The following ERC2 variants were observed in gnomAD, a reference collection of about 807,000 sequenced individuals.
ERC2 encodes the protein ELKS/RAB6-interacting/CAST family member 2.
Under a neutral mutation model 114.8 loss-of-function variants are expected in ERC2, and 42 were observed. The observed-to-expected ratio is 0.37, with a 90% CI of 0.29 to 0.47. ERC2 has a LOEUF of 0.47. Ranked by LOEUF, ERC2 falls within the 20% of genes least tolerant of loss-of-function variation. The pLI, the probability that ERC2 is intolerant of heterozygous loss-of-function variation, is 0.99. For missense variants in ERC2, 939 were observed against 1,150.7 expected, an observed-to-expected ratio of 0.82 and a Z score of 2.66; for synonymous variants, 454 against 425.5, an observed-to-expected ratio of 1.07 and a Z score of -0.82.
At chr3:55,592,506 G>A (rs1215215978) in intron 17 of ERC2, among the ~76,000 whole-genome samples, 2 of 152,188 alleles carry the variant, frequency 1.3e-5, no homozygotes, top group Non-Finnish European at 2.9e-5. Flanking sequence ...CCTCATTCAG[G>A]AGGGGATGGA....
At chr3:56,084,875 A>AG (rs1276709258) in intron 6 of ERC2, among the ~76,000 whole-genome samples, 1 of 151,728 alleles carries the variant, frequency 6.6e-6, no homozygotes. Flanking sequence ...ATTAAAAAAA[A>AG]AAAAAAAGAA....
chr3:56,317,013 G>T (rs138788728), intron 2 of ERC2, among the ~76,000 whole-genome samples: 126 of 152,314 alleles, frequency 8.3e-4, no homozygotes, highest in Middle Eastern at 3.4e-3. Context: ...CTAAGGCATG[G>T]GGATTCAACA....
intron 15 of ERC2, among the ~76,000 whole-genome samples, chr3:55,707,238 A>G (rs2063540072): frequency 6.6e-6 from 1 of 152,158 alleles, no homozygotes; most frequent in African/African-American, 2.4e-5. Flanking sequence ...GTTAGAAACC[A>G]GCTTGGGCAA....
chr3:56,221,008 A>G (rs1023513782), intron 3 of ERC2, among the ~76,000 whole-genome samples: 2 of 152,192 alleles, frequency 1.3e-5, no homozygotes, highest in Non-Finnish European at 2.9e-5. Flanking sequence ...CCCTTAGTAT[A>G]TGTGCACATA....
rs563842880 is a variant in ERC2 at position 55,863,157 on chromosome 3, A to G, written c.2564+25232T>C. Among the ~76,000 whole-genome samples the G allele has an allele frequency of 6.6e-5, 10 of 152,044 alleles. No homozygotes were observed. The East Asian group carries it at 1.9e-3, about 29-fold the overall frequency. On this transcript the variant is annotated intron_variant, in intron 14 of 17. Coordinates refer to ENST00000288221, the MANE Select transcript of ERC2 (RefSeq NM_015576.3). ...TCAAACTGTCAGCGCCAGGAGACTG[A>G]CATTTTTCTCCTTGCTAATCCTGCA...
intron 2 of ERC2, among the ~76,000 whole-genome samples, chr3:56,387,916 A>G (rs1483958223): frequency 1.3e-5 from 2 of 152,196 alleles, no homozygotes; most frequent in Non-Finnish European, 2.9e-5. Context: ...AGGGAAAGTT[A>G]AAATTAACAG....
intron 17 of ERC2, among the ~76,000 whole-genome samples, chr3:55,648,626 T>TAA: frequency 6.6e-6 from 1 of 152,146 alleles, no homozygotes; most frequent in Admixed American, 6.5e-5. Flanking sequence ...GATAAAAAGT[T>TAA]AAAAAAGTAA....
intron 17 of ERC2, among the ~76,000 whole-genome samples, chr3:55,621,779 G>A (rs2059339762): frequency 1.3e-5 from 2 of 152,130 alleles, no homozygotes; most frequent in Non-Finnish European, 1.5e-5. Flanking sequence ...GCCAATTGGG[G>A]GAGAAAAGTA....
intron 15 of ERC2, among the ~76,000 whole-genome samples, chr3:55,710,005 A>G (rs949877817): frequency 6.6e-6 from 1 of 152,218 alleles, no homozygotes; most frequent in Admixed American, 6.5e-5. Flanking sequence ...ACAAATGGGA[A>G]GAGAAAAATG....
chr3:56,298,861 A>G (rs981623403), intron 2 of ERC2, among the ~76,000 whole-genome samples: 1 of 152,186 alleles, frequency 6.6e-6, no homozygotes, highest in Non-Finnish European at 1.5e-5. Flanking sequence ...TACATAAATT[A>G]TATATCAACA....
chr3:56,225,039 C>T (rs926691007), intron 3 of ERC2, among the ~76,000 whole-genome samples: 4 of 152,068 alleles, frequency 2.6e-5, no homozygotes, highest in East Asian at 3.9e-4. Flanking sequence ...CATGTGTCCT[C>T]GGGCAAGTCC....
chr3:55,691,105 A>G (rs2062616502), intron 16 of ERC2, among the ~76,000 whole-genome samples: 1 of 152,136 alleles, frequency 6.6e-6, no homozygotes, highest in South Asian at 2.1e-4. Flanking sequence ...AAACAAGCAA[A>G]CAAATAAACT....
rs1324752720 is a variant in ERC2 at position 55,952,176 on chromosome 3, C to CTAT, written c.2268-1617_2268-1616insATA. 6.3e-3 allele frequency among the ~76,000 whole-genome samples: 284 copies of CTAT among 44,874 alleles called. 13 individuals carry two copies. Among genetic ancestry groups the CTAT allele is most frequent in the South Asian group, 0.028 (38 of 1,348 alleles). The allele number at this position is 44,874 out of a possible 152,430, so 29.4% of individuals were successfully genotyped here. A position where few individuals can be genotyped will look rare whatever the true frequency, so the allele number is the denominator to read the frequency against. On this transcript the variant is annotated intron_variant, in intron 12 of 17. Coordinates refer to ENST00000288221, the MANE Select transcript of ERC2 (RefSeq NM_015576.3). ...ACACACACACACACACACACACACA[C>CTAT]ACACTCTCTCTCTCTCTCTCTCTAT...
chr3:56,399,608 T>C (rs2060444766), intron 2 of ERC2, among the ~76,000 whole-genome samples: 1 of 152,164 alleles, frequency 6.6e-6, no homozygotes, highest in South Asian at 2.1e-4. Context: ...CTGCAGAATG[T>C]TTCATATAAC....
At chr3:55,625,166 G>A (rs912428626) in intron 17 of ERC2, among the ~76,000 whole-genome samples, 9 of 151,956 alleles carry the variant, frequency 5.9e-5, no homozygotes, top group African/African-American at 1.7e-4. Flanking sequence ...TCAGGAGTTC[G>A]AGATCAGCCT....
At chr3:55,940,517 C>T (rs1268761539) in intron 13 of ERC2, among the ~76,000 whole-genome samples, 5 of 152,130 alleles carry the variant, frequency 3.3e-5, no homozygotes, top group African/African-American at 1.2e-4. Flanking sequence ...ACTCTTCTGT[C>T]TCAGAGCACG....
At chr3:56,436,242 C>T (rs1446294864) in intron 1 of ERC2, among the ~76,000 whole-genome samples, 1 of 152,164 alleles carries the variant, frequency 6.6e-6, no homozygotes, top group Non-Finnish European at 1.5e-5. Context: ...TAACCTTAGA[C>T]AAATTATTTA....
chr3:55,514,548 A>T (rs1450447075), intron 17 of ERC2, among the ~76,000 whole-genome samples: 1 of 152,234 alleles, frequency 6.6e-6, no homozygotes, highest in Non-Finnish European at 1.5e-5. Flanking sequence ...CAGAAGAGAA[A>T]GTTAGGGAAA....
chr3:56,400,276 A>G (rs1411185843), intron 2 of ERC2, among the ~76,000 whole-genome samples: 3 of 152,108 alleles, frequency 2.0e-5, no homozygotes, highest in African/African-American at 7.2e-5. Flanking sequence ...TGTAGAAGTG[A>G]CCACAGGTTG....
Sources: allele counts gnomAD v4.1 joint callset (sites outside exome capture counted in the v4.1 genomes callset), GRCh38; gene constraint gnomAD v4.1.1; transcripts MANE v1.5; gene names NCBI Gene and HGNC (gene_info 2026-07-23, HGNC 2026-07-21).